Variants in AGMO observed in about 807,000 individuals in gnomAD.
AGMO encodes the protein glyceryl-ether monooxygenase.
A neutral mutation model predicts 60.2 loss-of-function variants in AGMO; 75 were observed. The observed-to-expected ratio is 1.25, with a 90% CI of 1.03 to 1.51. The LOEUF (loss-of-function observed/expected upper bound fraction) is 1.51, where lower values mean the gene tolerates loss of function less well. Among genes scored for constraint, AGMO ranks in the 40% most tolerant of loss-of-function variants. The pLI is 0.00. For missense variants in AGMO, 763 were observed against 525.5 expected (o/e 1.45, Z -4.42); for synonymous variants, 261 against 177.1 (o/e 1.47, Z -3.76).
chr7:15,521,027 C>T (rs1261286396), intron 3 of AGMO, among the ~76,000 whole-genome samples: 1 of 152,040 alleles, frequency 6.6e-6, no homozygotes, highest in African/African-American at 2.4e-5. Context: ...ACCACTGATC[C>T]CACAGAAATA....
At chr7:15,219,117 A>T (rs567978417) in intron 12 of AGMO, among the ~76,000 whole-genome samples, 2 of 152,332 alleles carry the variant, frequency 1.3e-5, no homozygotes, top group Non-Finnish European at 2.9e-5. Context: ...CACAATGTTC[A>T]TTAGCATAAA....
At chr7:15,494,311 T>C (rs189740246) in intron 3 of AGMO, among the ~76,000 whole-genome samples, 2 of 152,304 alleles carry the variant, frequency 1.3e-5, no homozygotes, top group Admixed American at 1.3e-4. Context: ...CTGTGGCATA[T>C]GTTAAAACTG....
chr7:15,344,271 T>C (rs1279189323), intron 12 of AGMO, among the ~76,000 whole-genome samples: 1 of 152,220 alleles, frequency 6.6e-6, no homozygotes, highest in Non-Finnish European at 1.5e-5. Context: ...TCTTTAAAAA[T>C]GTTTAGTCTT....
At chr7:15,315,910 TTAA>T (rs1463020550) in intron 12 of AGMO, among the ~76,000 whole-genome samples, 2 of 152,148 alleles carry the variant, frequency 1.3e-5, no homozygotes, top group Non-Finnish European at 2.9e-5. Context: ...TTAGTAAATG[TTAA>T]TAATACAAGA....
chr7:15,370,072 T>C (rs1562464821), intron 10 of AGMO, among the ~76,000 whole-genome samples: 2 of 152,134 alleles, frequency 1.3e-5, no homozygotes, highest in Admixed American at 6.6e-5. Context: ...CTTTATTCCT[T>C]AGTCCCCAGT....
At chr7:15,514,465 T>C (rs2128532020) in intron 3 of AGMO, among the ~76,000 whole-genome samples, 1 of 152,286 alleles carries the variant, frequency 6.6e-6, no homozygotes, top group South Asian at 2.1e-4. Context: ...TTGAGAGATA[T>C]ATAGTATTTA....
intron 3 of AGMO, among the ~76,000 whole-genome samples, chr7:15,444,476 T>C (rs10278280): frequency 0.43 from 65,810 of 151,908 alleles, 14,589 homozygotes; most frequent in Non-Finnish European, 0.48. Context: ...TCCAAAGCAA[T>C]TATTGGCCTT....
intron 12 of AGMO, among the ~76,000 whole-genome samples, chr7:15,352,526 T>A (rs1447949448): frequency 6.9e-6 from 1 of 145,222 alleles, no homozygotes; most frequent in African/African-American, 2.6e-5. Context: ...GGCGTTTGGG[T>A]GTTCAGGGGA....
chr7:15,470,341 T>C (rs899657461), intron 3 of AGMO, among the ~76,000 whole-genome samples: 1 of 151,992 alleles, frequency 6.6e-6, no homozygotes, highest in African/African-American at 2.4e-5. Flanking sequence ...GAAAGTGAGG[T>C]AATACAACAT....
intron 12 of AGMO, among the ~76,000 whole-genome samples, chr7:15,222,113 T>C (rs1418418274): frequency 6.6e-6 from 1 of 152,104 alleles, no homozygotes; most frequent in East Asian, 1.9e-4. Context: ...AGATGTAAGC[T>C]TCAAATTAGT....
chr7:15,493,365 CTTTT>C (rs71004387), intron 3 of AGMO, among the ~76,000 whole-genome samples: 2 of 66,652 alleles, frequency 3.0e-5, no homozygotes, highest in Non-Finnish European at 5.4e-5. Flanking sequence ...ACACACACTT[CTTTT>C]TTTTTTTTTT....
At chr7:15,183,466 T>C in the AGMO span, among the ~76,000 whole-genome samples, 2 of 152,216 alleles carry the variant, frequency 1.3e-5, no homozygotes, top group African/African-American at 4.8e-5. Flanking sequence ...CCACTGTTCT[T>C]GAAAAATGCA....
At chr7:15,446,361 A>G (rs1781698884) in intron 3 of AGMO, among the ~76,000 whole-genome samples, 1 of 152,222 alleles carries the variant, frequency 6.6e-6, no homozygotes, top group South Asian at 2.1e-4. Flanking sequence ...AATAGATGCA[A>G]TTATATAAGT....
At chr7:15,254,452 G>A (rs1199904370) in intron 12 of AGMO, among the ~76,000 whole-genome samples, 2 of 152,024 alleles carry the variant, frequency 1.3e-5, no homozygotes, top group East Asian at 1.9e-4. Context: ...GGTGATATCT[G>A]ATTGTGGTTT....
intron 3 of AGMO, among the ~76,000 whole-genome samples, chr7:15,542,079 G>T (rs1784644441): frequency 6.6e-6 from 1 of 151,798 alleles, no homozygotes; most frequent in South Asian, 2.1e-4. Context: ...GATATTATAT[G>T]GGGTTTTTTT....
chr7:15,367,867 G>A (rs879880740), intron 10 of AGMO, among the ~76,000 whole-genome samples: 13 of 151,988 alleles, frequency 8.6e-5, no homozygotes, highest in Admixed American at 2.6e-4. Context: ...TGAATATAAG[G>A]AATTTCACCT....
chr7:15,390,869 C>A lies in AGMO; in HGVS notation c.713G>T (p.Gly238Val), dbSNP rs773674228. 4 of 1,604,394 alleles carry A rather than the reference C, an allele frequency of 2.5e-6. No homozygotes were observed. The South Asian group carries it at 4.5e-5, about 18-fold the overall frequency. Residue 238 changes from glycine (G) to valine (V), a missense_variant, in exon 7 of 13, where the codon GGT becomes GTT. By Grantham distance (109) the Gly-to-Val change is moderately radical. Coordinates refer to ENST00000342526, the MANE Select transcript of AGMO (RefSeq NM_001004320.2). Reference protein sequence around the residue: ...NRYCIDKNYAGVLIIWDKIFG... With the variant: ...NRYCIDKNYAVVLIIWDKIFG... ...AATTTTATCCCAAATAATAAGAACA[C>A]CAGCATAATTTTTGTCTATGCAATA...
intron 3 of AGMO, among the ~76,000 whole-genome samples, chr7:15,443,577 A>T (rs1369483852): frequency 6.6e-6 from 1 of 152,014 alleles, no homozygotes; most frequent in African/African-American, 2.4e-5. Context: ...ATGCCTTATT[A>T]CCTCAACACC....
chr7:15,413,882 A>G (rs1184848168), intron 5 of AGMO, among the ~76,000 whole-genome samples: 1 of 152,242 alleles, frequency 6.6e-6, no homozygotes, highest in African/African-American at 2.4e-5. Context: ...AATGAAGACG[A>G]TTAGAAGGTA....
Sources: allele counts gnomAD v4.1 joint callset (sites outside exome capture counted in the v4.1 genomes callset), GRCh38; gene constraint gnomAD v4.1.1; transcripts MANE v1.5; gene names NCBI Gene and HGNC (gene_info 2026-07-23, HGNC 2026-07-21).